Variants in EXOC4 observed in about 807,000 individuals in gnomAD.
EXOC4 encodes SEC8-like 1.
A neutral mutation model predicts 107.2 loss-of-function variants in EXOC4; 71 were observed. The observed-to-expected ratio is 0.66, with a 90% CI of 0.55 to 0.81. EXOC4 has a LOEUF of 0.81. Among genes scored for constraint, EXOC4 ranks in the 30% least tolerant of loss-of-function variants. The probability of loss-of-function intolerance (pLI) is 0.00; values close to 1 mark genes in which losing one functional copy is unlikely to be tolerated. For synonymous variants in EXOC4, 456 were observed against 441.2 expected (o/e 1.03, Z -0.42); for missense variants, 1,108 against 1,189.6 (o/e 0.93, Z 1.01).
chr7:134,060,078 TAAGAG>T (rs1441802017), intron 17 of EXOC4, among the ~76,000 whole-genome samples: 1 of 152,016 alleles, frequency 6.6e-6, no homozygotes, highest in African/African-American at 2.4e-5. Flanking sequence ...ATGAGGAAGA[TAAGAG>T]AAAATGATCT....
At chr7:133,319,993 C>T (rs1443287795) in intron 5 of EXOC4, among the ~76,000 whole-genome samples, 1 of 151,980 alleles carries the variant, frequency 6.6e-6, no homozygotes, top group African/African-American at 2.4e-5. Flanking sequence ...CATTTAGTCC[C>T]TCAACAATTT....
intron 9 of EXOC4, among the ~76,000 whole-genome samples, chr7:133,599,470 C>G (rs1371222806): frequency 6.6e-6 from 1 of 152,176 alleles, no homozygotes; most frequent in Non-Finnish European, 1.5e-5. Flanking sequence ...TTAACCCTGC[C>G]TCTGCCAGAA....
intron 11 of EXOC4, among the ~76,000 whole-genome samples, chr7:133,821,678 C>T (rs989144011): frequency 1.3e-5 from 2 of 152,146 alleles, no homozygotes; most frequent in African/African-American, 2.4e-5. Context: ...GTCTAAATCC[C>T]TTACTTTTCG....
intron 17 of EXOC4, among the ~76,000 whole-genome samples, chr7:134,014,112 A>T (rs571545177): frequency 2.0e-5 from 3 of 152,344 alleles, no homozygotes; most frequent in African/African-American, 7.2e-5. Context: ...ATAGCCAAAA[A>T]GTATAAACAG....
In EXOC4 at chr7:133,713,074, A is replaced by C. The variant is rs930334720; in HGVS notation, c.1514+82933A>C. Among the ~76,000 whole-genome samples the C allele has an allele frequency of 3.9e-5, 6 of 152,316 alleles. No individual in the cohort carries two copies. The East Asian group carries it at 1.2e-3, about 29-fold the overall frequency. ...TATTTATTGTACTAGGTGCCCCTGA[A>C]CTGTTCATTTTAATATGGCTAATTT... On this transcript the variant is annotated intron_variant, in intron 10 of 17. Transcript: ENST00000253861.
At position 133,851,910 on chromosome 7, in the gene EXOC4, G is replaced by A. The variant is rs151196597; in HGVS notation, c.1734+34366G>A. On this transcript the variant is annotated intron_variant, in intron 11 of 17. Coordinates refer to ENST00000253861, the MANE Select transcript of EXOC4 (RefSeq NM_021807.4). Reference sequence around the variant, plus strand: ...ACTACATTATACTGCTGTTAGTCCAGCCCAGGATTTTTGGTTGTCGCCATT... The same window carrying A: ...ACTACATTATACTGCTGTTAGTCCAACCCAGGATTTTTGGTTGTCGCCATT... Among the ~76,000 whole-genome samples, 14 of 152,232 alleles carry A rather than the reference G, an allele frequency of 9.2e-5. 1 individual carries two copies. The East Asian group carries it at 1.7e-3, about 19-fold the overall frequency.
At chr7:133,786,184 G>A (rs1403103921) in intron 10 of EXOC4, among the ~76,000 whole-genome samples, 3 of 152,156 alleles carry the variant, frequency 2.0e-5, no homozygotes, top group African/African-American at 7.2e-5. Flanking sequence ...TAACCCTTTG[G>A]AAGGACAAAA....
At chr7:133,908,204 A>G (rs1799612205) in intron 12 of EXOC4, among the ~76,000 whole-genome samples, 1 of 152,252 alleles carries the variant, frequency 6.6e-6, no homozygotes, top group Admixed American at 6.5e-5. Flanking sequence ...GACTGGAAAG[A>G]AAATACTCAG....
rs149394243 is a variant in EXOC4, at chr7:133,931,494, A to G, written c.2028-6397A>G. ...TTACTCAGAAATAAAAAAGTTAACT[A>G]TTTAAAATATAGAATATATTGTTAA... On this transcript the variant is annotated intron_variant, in intron 13 of 17. Coordinates refer to ENST00000253861, the MANE Select transcript of EXOC4 (RefSeq NM_021807.4). 2.4e-3 allele frequency among the ~76,000 whole-genome samples: 367 copies of G among 152,330 alleles called. 5 individuals are homozygous for G. The highest frequency in any genetic ancestry group is 8.2e-3 in the African/African-American group (342 of 41,584).
At chr7:133,622,092 A>C (rs911275802) in intron 9 of EXOC4, among the ~76,000 whole-genome samples, 1 of 152,072 alleles carries the variant, frequency 6.6e-6, no homozygotes, top group African/African-American at 2.4e-5. Context: ...TTCCTGCCTC[A>C]GCCTCCCAAG....
intron 10 of EXOC4, among the ~76,000 whole-genome samples, chr7:133,715,684 C>T (rs1394337090): frequency 6.6e-6 from 1 of 152,086 alleles, no homozygotes; most frequent in Non-Finnish European, 1.5e-5. Context: ...TGACCACTTT[C>T]TACCTCTTCT....
chr7:133,330,506 C>A (rs755008959), intron 5 of EXOC4, among the ~76,000 whole-genome samples: 7 of 152,154 alleles, frequency 4.6e-5, no homozygotes, highest in Non-Finnish European at 1.0e-4. Context: ...CAGTGTCTGC[C>A]CAAATGGTTG....
chr7:133,455,382 C>T (rs1584930909), intron 7 of EXOC4, among the ~76,000 whole-genome samples: 1 of 152,092 alleles, frequency 6.6e-6, no homozygotes, highest in South Asian at 2.1e-4. Context: ...AAACCATGGG[C>T]CCAGGGGTTA....
intron 10 of EXOC4, among the ~76,000 whole-genome samples, chr7:133,762,407 A>T (rs1796050493): frequency 6.6e-6 from 1 of 152,332 alleles, no homozygotes; most frequent in East Asian, 1.9e-4. Context: ...AAAATTGAAA[A>T]TTAAAATAAG....
intron 9 of EXOC4, among the ~76,000 whole-genome samples, chr7:133,571,670 G>T (rs1801026597): frequency 7.3e-6 from 1 of 137,368 alleles, no homozygotes; most frequent in African/African-American, 2.9e-5. Flanking sequence ...GTGAGACTTT[G>T]CCTCAAAGCA....
chr7:133,791,207 C>T (rs1796696761), intron 10 of EXOC4, among the ~76,000 whole-genome samples: 1 of 152,156 alleles, frequency 6.6e-6, no homozygotes, highest in African/African-American at 2.4e-5. Flanking sequence ...TTTAGGCTAC[C>T]CAACCCCTAG....
At chr7:133,979,806 A>C (rs973718711) in intron 14 of EXOC4, among the ~76,000 whole-genome samples, 3 of 151,886 alleles carry the variant, frequency 2.0e-5, no homozygotes, top group Admixed American at 1.3e-4. Flanking sequence ...AGAAAAAAAA[A>C]CCCTAAATTG....
At chr7:133,656,386 TGTA>T (rs1803298542) in intron 10 of EXOC4, among the ~76,000 whole-genome samples, 1 of 123,444 alleles carries the variant, frequency 8.1e-6, no homozygotes, top group South Asian at 2.5e-4. Flanking sequence ...TATGTATGTA[TGTA>T]TGTATATCTG....
At chr7:133,789,669 T>C (rs534318556) in intron 10 of EXOC4, among the ~76,000 whole-genome samples, 7 of 152,334 alleles carry the variant, frequency 4.6e-5, no homozygotes, top group Non-Finnish European at 8.8e-5. Flanking sequence ...GTTACTGTTA[T>C]AATAATTGCA....
Sources: allele counts gnomAD v4.1 joint callset (sites outside exome capture counted in the v4.1 genomes callset), GRCh38; gene constraint gnomAD v4.1.1; transcripts MANE v1.5; gene names NCBI Gene and HGNC (gene_info 2026-07-23, HGNC 2026-07-21).